Variants in GRID1 observed in about 807,000 individuals in gnomAD.
The protein encoded by GRID1 is glutamate receptor ionotropic, delta-1.
In GRID1, 28 loss-of-function variants were observed where a neutral mutation model predicts 98.0. The ratio of observed to expected loss-of-function variants is 0.29; its 90% CI spans 0.21 to 0.39. The LOEUF (loss-of-function observed/expected upper bound fraction) is 0.39, where lower values mean the gene tolerates loss of function less well. Among genes scored for constraint, GRID1 ranks in the 10% least tolerant of loss-of-function variants. GRID1 has a pLI of 1.00. For synonymous variants in GRID1, 553 were observed against 538.5 expected, an observed-to-expected ratio of 1.03 and a Z score of -0.37; for missense variants, 1,111 against 1,340.5, an observed-to-expected ratio of 0.83 and a Z score of 2.67.
chr10:85,699,586 T>C (rs1841430038), intron 12 of GRID1, among the ~76,000 whole-genome samples: 1 of 152,204 alleles, frequency 6.6e-6, no homozygotes, highest in African/African-American at 2.4e-5. Context: ...GTCATCTAAA[T>C]TTTCAGTTTA....
intron 6 of GRID1, among the ~76,000 whole-genome samples, chr10:85,866,990 C>T (rs1843227305): frequency 6.6e-6 from 1 of 152,168 alleles, no homozygotes; most frequent in South Asian, 2.1e-4. Flanking sequence ...TGATGTCCGG[C>T]CACATATCTG....
At chr10:85,951,209 G>C (rs1222530123) in intron 4 of GRID1, among the ~76,000 whole-genome samples, 1 of 152,212 alleles carries the variant, frequency 6.6e-6, no homozygotes, top group Non-Finnish European at 1.5e-5. Context: ...ATGAGAACCA[G>C]ACTCTGGGCT....
chr10:85,980,892 C>T (rs1032249638), intron 4 of GRID1, among the ~76,000 whole-genome samples: 1 of 152,176 alleles, frequency 6.6e-6, no homozygotes, highest in Non-Finnish European at 1.5e-5. Context: ...AACAATGAAG[C>T]CCATTTCACA....
chr10:86,250,366 T>A (rs1846801292), intron 2 of GRID1, among the ~76,000 whole-genome samples: 1 of 152,206 alleles, frequency 6.6e-6, no homozygotes, highest in Admixed American at 6.5e-5. Context: ...GTTTCTACAG[T>A]TACCATCCCC....
At chr10:86,214,138 C>A (rs187221153) in intron 2 of GRID1, among the ~76,000 whole-genome samples, 1 of 152,174 alleles carries the variant, frequency 6.6e-6, no homozygotes, top group South Asian at 2.1e-4. Flanking sequence ...ACAGTGCTGT[C>A]CCTGCTTAAA....
chr10:85,772,313 A>C (rs1266513250), intron 8 of GRID1, among the ~76,000 whole-genome samples: 1 of 152,112 alleles, frequency 6.6e-6, no homozygotes. Context: ...TCTGGGACAC[A>C]TTCAAAGCAG....
intron 4 of GRID1, among the ~76,000 whole-genome samples, chr10:85,969,624 T>C (rs1842381885): frequency 6.6e-6 from 1 of 151,814 alleles, no homozygotes; most frequent in Admixed American, 6.6e-5. Flanking sequence ...ACAAAGAAAA[T>C]TTTTTAAAAC....
intron 4 of GRID1, among the ~76,000 whole-genome samples, chr10:86,071,173 C>T (rs1843798589): frequency 6.6e-6 from 1 of 152,252 alleles, no homozygotes; most frequent in Admixed American, 6.5e-5. Flanking sequence ...CCCCGCTTCA[C>T]AATAGGCACA....
intron 13 of GRID1, among the ~76,000 whole-genome samples, chr10:85,639,495 A>C (rs1176542529): frequency 6.6e-6 from 1 of 152,268 alleles, no homozygotes; most frequent in Non-Finnish European, 1.5e-5. Context: ...TGATTATTAC[A>C]GAATTGCATA....
intron 4 of GRID1, among the ~76,000 whole-genome samples, chr10:86,085,356 G>A (rs890462452): frequency 2.0e-5 from 3 of 152,190 alleles, no homozygotes; most frequent in African/African-American, 4.8e-5. Context: ...GAAGGACGGC[G>A]CAGGCACCCA....
At chr10:85,778,583 C>G (rs534105715) in intron 8 of GRID1, among the ~76,000 whole-genome samples, 4 of 152,276 alleles carry the variant, frequency 2.6e-5, no homozygotes, top group South Asian at 2.1e-4. Context: ...AAAAACAAAA[C>G]AATTTCAGGG....
chr10:86,021,062 GCC>G, intron 4 of GRID1, among the ~76,000 whole-genome samples: 1 of 151,870 alleles, frequency 6.6e-6, no homozygotes, highest in African/African-American at 2.4e-5. Flanking sequence ...CTGCCTGCCT[GCC>G]TGCCTGCCTG....
chr10:85,619,719 G>T, intron 14 of GRID1, 148 bp downstream of exon 14: 1 of 642,820 alleles, frequency 1.6e-6, no homozygotes, highest in Non-Finnish European at 2.7e-6. Context: ...GGGTAGGGGA[G>T]GAGGAAGCAG....
intron 2 of GRID1, among the ~76,000 whole-genome samples, chr10:86,338,963 A>G (rs1848270268): frequency 6.6e-6 from 1 of 152,190 alleles, no homozygotes; most frequent in Non-Finnish European, 1.5e-5. Flanking sequence ...AGTGAAGCTC[A>G]GAGAGCTTCA....
At chr10:86,061,513 C>T (rs78461661) in intron 4 of GRID1, among the ~76,000 whole-genome samples, 3,148 of 152,286 alleles carry the variant, frequency 0.021, 52 homozygotes, top group Middle Eastern at 0.037. Context: ...CTGCCAGGTT[C>T]CTATTCCTCA....
At position 86,252,523 on chromosome 10, in the gene GRID1, C is replaced by T. The variant is rs1196925228; in HGVS notation, c.236-45875G>A. On this transcript the variant is annotated intron_variant, in intron 2 of 15. Coordinates refer to ENST00000327946, the MANE Select transcript of GRID1 (RefSeq NM_017551.3). ...GAATAAACAGATGAATAAATAAATA[C>T]GTGGTTTGACACCATCTCTACTTTG... 2.6e-5 allele frequency among the ~76,000 whole-genome samples: 4 copies of T among 152,202 alleles called. No individual in the cohort carries two copies. The East Asian group carries it at 5.8e-4, about 22-fold the overall frequency.
intron 4 of GRID1, among the ~76,000 whole-genome samples, chr10:86,075,446 C>T (rs1342709342): frequency 6.6e-6 from 1 of 151,816 alleles, no homozygotes; most frequent in Admixed American, 6.6e-5. Flanking sequence ...GCAGCTAGTA[C>T]AAAGGCAGGG....
rs933954130 is a variant in GRID1, at chr10:85,649,275, T to G, written c.1998-1878A>C. 2.0e-5 allele frequency among the ~76,000 whole-genome samples: 3 copies of G among 152,332 alleles called. No individual in the cohort carries two copies. The South Asian group carries it at 6.2e-4, about 32-fold the overall frequency. On this transcript the variant is annotated intron_variant, in intron 12 of 15. Transcript: ENST00000327946. ...TCGGAGACACATGCCACAGCACTCC[T>G]TAGGTCCCTGCTATGTGGCCCAGAA...
intron 5 of GRID1, among the ~76,000 whole-genome samples, chr10:85,870,244 C>T (rs1415842239): frequency 6.6e-6 from 1 of 152,200 alleles, no homozygotes; most frequent in Non-Finnish European, 1.5e-5. Flanking sequence ...CATCTTTCTC[C>T]CGTGCTGGAT....
Sources: gnomAD v4.1 joint callset for allele counts (sites outside exome capture counted in the v4.1 genomes callset) on GRCh38, gnomAD v4.1.1 for gene constraint, MANE v1.5 for transcripts, NCBI Gene and HGNC (gene_info 2026-07-23, HGNC 2026-07-21) for gene names.